The following KRABD3 variants were observed in gnomAD, a reference collection of about 807,000 sequenced individuals.
The protein encoded by KRABD3 is KRAB domain-containing protein 3.
the KRABD3 span, chr7:149,724,550 CA>C: frequency 1.2e-6 from 1 of 807,228 alleles, no homozygotes; most frequent in Non-Finnish European, 1.8e-6. Flanking sequence ...CGTGGAGGCA[CA>C]GGGGCTTTGG....
At chr7:149,730,423 G>A in the KRABD3 span, 323 of 1,585,654 alleles carry the variant, frequency 2.0e-4, no homozygotes, top group African/African-American at 3.8e-3. Context: ...TGTTTGTGAC[G>A]TTAGAGAGGG....
At chr7:149,731,311 C>T in the KRABD3 span, among the ~76,000 whole-genome samples, 5 of 152,324 alleles carry the variant, frequency 3.3e-5, no homozygotes, top group East Asian at 3.9e-4. Flanking sequence ...TTCTTCACTC[C>T]GCAGTGGGCC....
chr7:149,730,806 C>T, the KRABD3 span: 9 of 569,312 alleles, frequency 1.6e-5, no homozygotes, highest in Admixed American at 6.0e-5. Context: ...GCCACGTACA[C>T]GGTGTTTGCG....
chr7:149,733,266 C>A, the KRABD3 span: 3 of 1,612,262 alleles, frequency 1.9e-6, no homozygotes, highest in East Asian at 2.2e-5. Flanking sequence ...GAGTCTCCCC[C>A]TCCGGAGCTG....
the KRABD3 span, chr7:149,728,782 G>A: frequency 4.7e-6 from 6 of 1,268,192 alleles, no homozygotes; most frequent in Non-Finnish European, 5.4e-6. Context: ...ATGGTGCTCT[G>A]GAAACAGACC....
At chr7:149,733,108 G>C in the KRABD3 span, 1 of 1,387,102 alleles carries the variant, frequency 7.2e-7, no homozygotes, top group East Asian at 2.3e-5. Context: ...GGGCCTTGGA[G>C]GAGGCAGAGT....
chr7:149,734,198 G>A, the KRABD3 span: 1 of 1,075,726 alleles, frequency 9.3e-7, no homozygotes, highest in Non-Finnish European at 1.3e-6. Context: ...CAACTGGGTA[G>A]AGCCCCCAGG....
At chr7:149,729,754 A>G in the KRABD3 span, 1 of 985,352 alleles carries the variant, frequency 1.0e-6, no homozygotes, top group Non-Finnish European at 1.2e-6. Context: ...CCCTCCCATC[A>G]GACGAGGATG....
At chr7:149,717,121 A>G in the KRABD3 span, among the ~76,000 whole-genome samples, 2 of 152,200 alleles carry the variant, frequency 1.3e-5, no homozygotes, top group African/African-American at 4.8e-5. Context: ...AGTGCAACCA[A>G]CATAGCTGGT....
chr7:149,718,959 C>T, the KRABD3 span, among the ~76,000 whole-genome samples: 1 of 152,166 alleles, frequency 6.6e-6, no homozygotes, highest in Non-Finnish European at 1.5e-5. Context: ...CCAAGGGCAA[C>T]CCCAGGTTTC....
At chr7:149,726,199 T>C in the KRABD3 span, 5 of 749,078 alleles carry the variant, frequency 6.7e-6, no homozygotes, top group East Asian at 1.4e-4. Flanking sequence ...CAGGAGCAGA[T>C]GCGGGACTTA....
the KRABD3 span, among the ~76,000 whole-genome samples, chr7:149,716,831 A>G: frequency 6.6e-6 from 1 of 152,218 alleles, no homozygotes; most frequent in African/African-American, 2.4e-5. Context: ...ATAGCACTTA[A>G]TATTCATAGT....
At chr7:149,733,708 T>TC in the KRABD3 span, 4 of 1,581,188 alleles carry the variant, frequency 2.5e-6, no homozygotes, top group Admixed American at 1.8e-5. Context: ...CTCCAGACGC[T>TC]CCCCCGGCAG....
the KRABD3 span, chr7:149,724,988 A>G: frequency 9.4e-6 from 7 of 743,480 alleles, no homozygotes; most frequent in South Asian, 8.7e-5. Flanking sequence ...GAATCCCTTC[A>G]TCCACAGCCT....
the KRABD3 span, chr7:149,729,811 C>G: frequency 1.0e-6 from 1 of 985,416 alleles, no homozygotes; most frequent in Non-Finnish European, 1.2e-6. Flanking sequence ...CTGTGAGATA[C>G]TGGGGTGCAG....
chr7:149,723,668 T>G, the KRABD3 span: 4 of 1,516,238 alleles, frequency 2.6e-6, no homozygotes, highest in Non-Finnish European at 3.6e-6. Flanking sequence ...TTGTCCCCTG[T>G]TTGTTGTTTG....
At chr7:149,719,817 G>A in the KRABD3 span, 14 of 1,235,118 alleles carry the variant, frequency 1.1e-5, no homozygotes, top group East Asian at 1.6e-4. This position sits in a 1 kb window ranked among gnomAD's most constrained non-coding sequence, Gnocchi z 5.6. Flanking sequence ...TCTATGTCCC[G>A]GGACCGGGTT....
the KRABD3 span, among the ~76,000 whole-genome samples, chr7:149,727,056 T>G: frequency 2.9e-3 from 449 of 152,362 alleles, no homozygotes; most frequent in Non-Finnish European, 4.3e-3. Context: ...CTTGGTGACC[T>G]GTGCCTCCCC....
chr7:149,730,725 C>A, the KRABD3 span: 1 of 993,256 alleles, frequency 1.0e-6, no homozygotes, highest in Non-Finnish European at 1.4e-6. Context: ...TGAGCTGTGT[C>A]CGAGAAGGAG....
Sources: gnomAD v4.1 joint callset for allele counts (sites outside exome capture counted in the v4.1 genomes callset) on GRCh38, gnomAD v4.1.1 for gene constraint, Gnocchi (gnomAD v3.1) non-coding constraint, MANE v1.5 for transcripts, NCBI Gene and HGNC (gene_info 2026-07-23, HGNC 2026-07-21) for gene names.